The following ATP2C2 variants were observed in gnomAD, a reference collection of about 807,000 sequenced individuals.
The protein encoded by ATP2C2 is ATPase secretory pathway Ca2+ transporting 2, also known as calcium-transporting ATPase type 2C member 2.
Under a neutral mutation model 110.8 loss-of-function variants are expected in ATP2C2, and 171 were observed. The ratio of observed to expected loss-of-function variants is 1.54; its 90% confidence interval spans 1.36 to 1.75. The LOEUF (loss-of-function observed/expected upper bound fraction) is 1.75. Among genes scored for constraint, ATP2C2 ranks in the 40% most tolerant of loss-of-function variants. The probability of loss-of-function intolerance (pLI) is 0.00; values close to 1 mark genes in which losing one functional copy is unlikely to be tolerated. For missense variants in ATP2C2, 1,963 were observed against 1,235.0 expected (o/e 1.59, Z -8.84); for synonymous variants, 804 against 508.4 (o/e 1.58, Z -7.82).
chr16:84,406,828 G>T (rs1905814213), intron 3 of ATP2C2, among the ~76,000 whole-genome samples: 1 of 151,902 alleles, frequency 6.6e-6, no homozygotes, highest in Non-Finnish European at 1.5e-5. Context: ...CTTCCACTAG[G>T]ACCCGCTCCC....
At chr16:84,383,025 A>G (rs868123740) in intron 1 of ATP2C2, among the ~76,000 whole-genome samples, 33 of 152,306 alleles carry the variant, frequency 2.2e-4, no homozygotes, top group African/African-American at 6.7e-4. Context: ...CTGGAGACAG[A>G]AGTGTGCCTC....
intron 21 of ATP2C2, among the ~76,000 whole-genome samples, chr16:84,455,684 G>A (rs1444009208): frequency 6.6e-6 from 1 of 151,806 alleles, no homozygotes; most frequent in Non-Finnish European, 1.5e-5. Flanking sequence ...ATTGAGGCTA[G>A]GTGGATCGTG....
At chr16:84,387,714 A>T (rs986076095) in intron 1 of ATP2C2, among the ~76,000 whole-genome samples, 1 of 152,100 alleles carries the variant, frequency 6.6e-6, no homozygotes, top group Non-Finnish European at 1.5e-5. Flanking sequence ...CAAGAATAAG[A>T]CTTTGCTGGG....
chr16:84,413,718 C>T (rs545117518), intron 6 of ATP2C2, among the ~76,000 whole-genome samples: 4 of 152,172 alleles, frequency 2.6e-5, no homozygotes, highest in South Asian at 2.1e-4. Context: ...GTTGAAAGAG[C>T]GCTGAAGAGG....
At chr16:84,384,695 C>T (rs72804667) in intron 1 of ATP2C2, among the ~76,000 whole-genome samples, 11,107 of 152,218 alleles carry the variant, frequency 0.073, 500 homozygotes, top group Middle Eastern at 0.11. Flanking sequence ...ACTATCACAA[C>T]GTTTGCTGAA....
At chr16:84,453,817 A>C (rs537754001) in intron 20 of ATP2C2, among the ~76,000 whole-genome samples, 1 of 151,974 alleles carries the variant, frequency 6.6e-6, no homozygotes, top group Middle Eastern at 3.4e-3. Context: ...GGGAAAAACT[A>C]AAAGAGAAGC....
intron 1 of ATP2C2, among the ~76,000 whole-genome samples, chr16:84,381,127 C>A (rs543067853): frequency 1.3e-5 from 2 of 152,120 alleles, no homozygotes; most frequent in Non-Finnish European, 2.9e-5. Flanking sequence ...GGTGGATTAT[C>A]ATTAGTTATT....
intron 15 of ATP2C2, among the ~76,000 whole-genome samples, chr16:84,443,307 C>G (rs533662967): frequency 6.6e-6 from 1 of 152,202 alleles, no homozygotes; most frequent in African/African-American, 2.4e-5. Flanking sequence ...GTTTCCATGG[C>G]CACTTGGCCT....
intron 10 of ATP2C2, 99 bp downstream of exon 10, chr16:84,423,362 G>C (rs1199964142): frequency 9.0e-7 from 1 of 1,115,416 alleles, no homozygotes; most frequent in African/African-American, 1.5e-5. Flanking sequence ...TTGCTACTCA[G>C]CTGCATAAGG....
chr16:84,368,548 G>T lies in ATP2C2; in HGVS notation c.-68G>T. 7.8e-7 allele frequency: 1 copy of T among 1,281,332 alleles called. No homozygotes were observed. Among genetic ancestry groups the T allele is most frequent in the East Asian group, 2.8e-5 (1 of 36,120 alleles). The allele number at this position is 1,281,332 out of a possible 1,614,324, so 79.4% of individuals were successfully genotyped here. A position where few individuals can be genotyped will look rare whatever the true frequency, so the allele number is the denominator to read the frequency against. On this transcript the variant is annotated 5_prime_UTR_variant, in exon 1 of 27. Transcript: ENST00000262429. ...AACCGGGTCCGGCCCAGGAGGCTTG[G>T]GCGCGCGCAGCCATCCCGGGCCTCG...
rs542803072 is a variant in ATP2C2, at chr16:84,416,899, G to A, written c.624+1308G>A. On this transcript the variant is annotated intron_variant, in intron 7 of 26. Coordinates refer to ENST00000262429, the MANE Select transcript of ATP2C2 (RefSeq NM_014861.4). ...GGGAAGCTGGGCTCACATTTTCCAC[G>A]TTTTCCTTCTCCCGAGAAGGGGGGT... Among the ~76,000 whole-genome samples, 9 of 146,544 alleles carry A rather than the reference G, an allele frequency of 6.1e-5. No homozygotes were observed. The South Asian group carries it at 1.1e-3, about 18-fold the overall frequency.
chr16:84,405,210 A>G lies in ATP2C2; in HGVS notation c.293A>G (p.Asn98Ser), dbSNP rs2150519524. The G allele has an allele frequency of 1.2e-6, 2 of 1,614,012 alleles. No homozygotes were observed. The highest frequency in any genetic ancestry group is 8.5e-7 in the Non-Finnish European group (1 of 1,179,972). Residue 98 changes from asparagine to serine, a missense_variant, in exon 3 of 27, where the codon AAC becomes AGC. Physicochemically the swap from Asn to Ser is conservative, Grantham distance 46. Coordinates refer to ENST00000262429, the MANE Select transcript of ATP2C2 (RefSeq NM_014861.4). ...AHGWNEFVAD[N>S]SEPVWKKYLD... The stretch of plus-strand genomic sequence containing the variant: ...GGCTGGAATGAGTTTGTTGCTGACA[A>G]CAGCGAACCTGTGTGGAAGAAATAC...
At chr16:84,439,353 G>C (rs1258453449) in intron 12 of ATP2C2, 63 bp downstream of exon 12, 1 of 1,613,018 alleles carries the variant, frequency 6.2e-7, no homozygotes, top group Non-Finnish European at 8.5e-7. Flanking sequence ...GGCTGTCAGG[G>C]CAATCCAGCC....
intron 2 of ATP2C2, chr16:84,404,762 C>T (rs1597773941): frequency 1.7e-5 from 6 of 355,844 alleles, no homozygotes; most frequent in East Asian, 7.3e-5. Flanking sequence ...TTTGAGGAAT[C>T]GCCACACAGT....
intron 1 of ATP2C2, among the ~76,000 whole-genome samples, chr16:84,382,894 TAAAAAAAAA>T (rs1170344466): frequency 3.3e-5 from 3 of 91,758 alleles, no homozygotes; most frequent in African/African-American, 4.3e-5. Context: ...AGACTCCATC[TAAAAAAAAA>T]AAAAAAAAAA....
chr16:84,443,023 C>A (rs573961327), intron 15 of ATP2C2, among the ~76,000 whole-genome samples: 5 of 152,114 alleles, frequency 3.3e-5, no homozygotes, highest in Non-Finnish European at 7.4e-5. Context: ...TGTGGCTGTG[C>A]AGGGTTGCCC....
rs1256870867 is a variant in ATP2C2, at chr16:84,377,136, G to GAGTAGTGGAAGCCGTGTGCTAAGTCTT, written c.99+8461_99+8487dup. Among the ~76,000 whole-genome samples, 186 of 151,900 alleles carry GAGTAGTGGAAGCCGTGTGCTAAGTCTT rather than the reference G, an allele frequency of 1.2e-3. 2 individuals carry two copies. The highest frequency in any genetic ancestry group is 4.3e-3 in the African/African-American group (179 of 41,302). The stretch of plus-strand genomic sequence containing the variant: ...TGGAAGCCGTGTGCTAAGTCTCAGC[G>GAGTAGTGGAAGCCGTGTGCTAAGTCTT]AGTAGTGGAAGCCGTGTGCTAAGTC... On this transcript the variant is annotated intron_variant, in intron 1 of 26. Coordinates refer to ENST00000262429, the MANE Select transcript of ATP2C2 (RefSeq NM_014861.4).
chr16:84,461,926 T>TC, intron 25 of ATP2C2, 62 bp from the exon 26 acceptor site: 1 of 1,607,078 alleles, frequency 6.2e-7, no homozygotes, highest in South Asian at 1.1e-5. Context: ...CAGTCAGAGC[T>TC]CCCCTGCCTG....
rs530520936 is a variant in ATP2C2, at chr16:84,384,238, CCT to C, written c.100-14258_100-14257del. On this transcript the variant is annotated intron_variant, in intron 1 of 26. Coordinates refer to ENST00000262429, the MANE Select transcript of ATP2C2 (RefSeq NM_014861.4). ...GGATGTGGCTCTTAGTTGCCACGTCCCTCTGTTTCTCCTTCTGTGTGGAATAC... is the reference window on the plus strand; with the variant it reads ...GGATGTGGCTCTTAGTTGCCACGTCCCTGTTTCTCCTTCTGTGTGGAATAC... 5.7e-4 allele frequency among the ~76,000 whole-genome samples: 87 copies of C among 152,326 alleles called. 1 individual carries two copies. Among genetic ancestry groups the C allele is most frequent in the Admixed American group, 2.1e-3 (32 of 15,300 alleles).
Sources: allele counts gnomAD v4.1 joint callset (sites outside exome capture counted in the v4.1 genomes callset), GRCh38; gene constraint gnomAD v4.1.1; transcripts MANE v1.5; gene names NCBI Gene and HGNC (gene_info 2026-07-23, HGNC 2026-07-21).